RAB11FIP3: variants seen among roughly 807,000 people sequenced by gnomAD.
The protein encoded by RAB11FIP3 is rab11 family-interacting protein 3.
Under a neutral mutation model 77.8 loss-of-function variants are expected in RAB11FIP3, and 17 were observed. The ratio of observed to expected loss-of-function variants is 0.22; its 90% CI spans 0.15 to 0.33. The LOEUF is 0.33. Among genes scored for constraint, RAB11FIP3 ranks in the 10% least tolerant of loss-of-function variants. RAB11FIP3 has a pLI of 1.00. For synonymous variants in RAB11FIP3, 437 were observed against 448.2 expected, an observed-to-expected ratio of 0.98 and a Z score of 0.31; for missense variants, 1,005 against 1,011.2, an observed-to-expected ratio of 0.99 and a Z score of 0.08.
At chr16:438,930 C>T (rs975144787) in intron 1 of RAB11FIP3, among the ~76,000 whole-genome samples, 6 of 152,124 alleles carry the variant, frequency 3.9e-5, no homozygotes, top group East Asian at 1.9e-4. Flanking sequence ...CCTTGTGATC[C>T]GCCCGCCTTG....
intron 1 of RAB11FIP3, among the ~76,000 whole-genome samples, chr16:449,556 G>A (rs1004466408): frequency 2.6e-5 from 4 of 151,816 alleles, no homozygotes; most frequent in Non-Finnish European, 5.9e-5. Context: ...TGAGGTGGGA[G>A]GATCGCTTGA....
At chr16:451,143 T>A (rs1476199724) in intron 1 of RAB11FIP3, among the ~76,000 whole-genome samples, 1 of 152,180 alleles carries the variant, frequency 6.6e-6, no homozygotes, top group Admixed American at 6.6e-5. Context: ...CTGAATATAC[T>A]AAAACCATTG....
At chr16:443,530 A>G (rs1446895790) in intron 1 of RAB11FIP3, among the ~76,000 whole-genome samples, 1 of 152,142 alleles carries the variant, frequency 6.6e-6, no homozygotes, top group Non-Finnish European at 1.5e-5. Context: ...ACCTCTCGAT[A>G]TCAGTACATC....
intron 3 of RAB11FIP3, among the ~76,000 whole-genome samples, chr16:477,296 G>C (rs542876394): frequency 6.3e-4 from 96 of 152,232 alleles, no homozygotes; most frequent in African/African-American, 2.2e-3. Context: ...CTGAACCACT[G>C]AACCTGATGT....
intron 5 of RAB11FIP3, among the ~76,000 whole-genome samples, chr16:492,511 G>GA (rs1259291927): frequency 2.8e-4 from 31 of 109,412 alleles, no homozygotes; most frequent in Non-Finnish European, 3.8e-4. Context: ...AGGCCGCCCA[G>GA]GGCCCTCCCG....
chr16:471,513 C>G lies in RAB11FIP3; in HGVS notation c.903+124C>G, dbSNP rs1327605684. 7.3e-6 allele frequency: 6 copies of G among 824,542 alleles called. No individual in the cohort carries two copies. The highest frequency in any genetic ancestry group is 7.9e-6 in the Non-Finnish European group (4 of 504,676). The allele number at this position is 824,542 out of a possible 1,614,324, so 51.1% of individuals were successfully genotyped here. ...AGAAGCTGGCGTGAAGGAAGGGCCTCCCGCCCTGTGTGCACCGTGGGGCTC... is the reference window on the plus strand; with the variant it reads ...AGAAGCTGGCGTGAAGGAAGGGCCTGCCGCCCTGTGTGCACCGTGGGGCTC... On this transcript the variant is annotated intron_variant, in intron 3 of 13. Transcript: ENST00000262305. This position sits in a 1 kb window ranked among gnomAD's most constrained non-coding sequence, Gnocchi z 4.4.
chr16:473,402 G>A (rs531007826), intron 3 of RAB11FIP3, among the ~76,000 whole-genome samples: 96 of 152,336 alleles, frequency 6.3e-4, no homozygotes, highest in African/African-American at 2.2e-3. Context: ...GGAACATAGT[G>A]TAGAGCATTC....
In RAB11FIP3 at chr16:425,977, GC is replaced by G. The variant is rs2054931902; in HGVS notation, c.-27del. ...CTGAGCGCCTTTGTCTGCCGCCCGC[GC>G]CCTTCCGCACCACTAGCCTCTCGGG... is the stretch of plus-strand genomic sequence containing the variant. On this transcript the variant is annotated 5_prime_UTR_variant, in exon 1 of 14. It introduces an in-frame stop codon into an upstream open reading frame of the 5' UTR. Transcript: ENST00000262305. 1.4e-5 allele frequency: 11 copies of G among 770,410 alleles called. No individual in the cohort carries two copies. The highest frequency in any genetic ancestry group is 1.6e-5 in the Non-Finnish European group (11 of 701,980). The allele number at this position is 770,410 out of a possible 1,614,324, so 47.7% of individuals were successfully genotyped here. A position where few individuals can be genotyped will look rare whatever the true frequency, so the allele number is the denominator to read the frequency against.
chr16:471,485 C>T lies in RAB11FIP3; in HGVS notation c.903+96C>T, dbSNP rs762763051. The T allele has an allele frequency of 3.1e-5, 34 of 1,107,716 alleles. No individual in the cohort carries two copies. Among genetic ancestry groups the T allele is most frequent in the South Asian group, 5.4e-5 (4 of 74,246 alleles). The allele number at this position is 1,107,716 out of a possible 1,614,324, so 68.6% of individuals were successfully genotyped here. On this transcript the variant is annotated intron_variant, in intron 3 of 13. Transcript: ENST00000262305. This position sits in a 1 kb window ranked among gnomAD's most constrained non-coding sequence, Gnocchi z 4.4. Reference sequence around the variant, plus strand: ...TGCCTCCTGCCTCCGGGCTGTCTTCCGTAGAAGCTGGCGTGAAGGAAGGGC... The same window carrying T: ...TGCCTCCTGCCTCCGGGCTGTCTTCTGTAGAAGCTGGCGTGAAGGAAGGGC...
At position 474,619 on chromosome 16, in the gene RAB11FIP3, G is replaced by T. The variant is rs943180547; in HGVS notation, c.903+3230G>T. Among the ~76,000 whole-genome samples, 59 of 152,120 alleles carry T rather than the reference G, an allele frequency of 3.9e-4. 1 individual carries two copies. Among genetic ancestry groups the T allele is most frequent in the Non-Finnish European group, 8.8e-5 (6 of 68,028 alleles). ...GCATCTCACAGAATCGTCGGGCCGC[G>T]CTCTCTCCCGTCCTCCCTCCTTCTC... On this transcript the variant is annotated intron_variant, in intron 3 of 13. Transcript: ENST00000262305.
At chr16:492,636 G>A (rs531595134) in intron 5 of RAB11FIP3, among the ~76,000 whole-genome samples, 78 of 151,970 alleles carry the variant, frequency 5.1e-4, no homozygotes, top group African/African-American at 1.3e-3. Flanking sequence ...GCCCGGCGAC[G>A]ATGGCTCAGC....
chr16:459,463 T>G (rs7199213), intron 1 of RAB11FIP3, among the ~76,000 whole-genome samples: 18,020 of 144,590 alleles, frequency 0.12, 1,534 homozygotes, highest in African/African-American at 0.23. Context: ...AGCAGACAAA[T>G]TCTCATTTTG....
At chr16:465,248 C>A (rs2055682045) in intron 2 of RAB11FIP3, among the ~76,000 whole-genome samples, 1 of 151,970 alleles carries the variant, frequency 6.6e-6, no homozygotes, top group African/African-American at 2.4e-5. Context: ...GCCCGGGGAC[C>A]CCCAGAACTG....
Position 482,639 on chromosome 16 carries a change from G to C in RAB11FIP3, c.1018G>C (p.Gly340Arg). ...GGTGCACCCTGAGCTGCAACCTGAA[G>C]GGGACGCAGACAGTGCCGGCGGCTC... The part of the protein sequence containing the change: ...TLVHPELQPE[G>R]DADSAGGSAV... Residue 340 changes from glycine (G) to arginine (R), a missense_variant, in exon 4 of 14, where the codon GGG becomes CGG. By Grantham distance (125) the Gly-to-Arg change is moderately radical (BLOSUM62 -2). Transcript: ENST00000262305. 6.2e-7 allele frequency: 1 copy of C among 1,613,448 alleles called. No individual in the cohort carries two copies. Among genetic ancestry groups the C allele is most frequent in the Non-Finnish European group, 8.5e-7 (1 of 1,180,042 alleles).
intron 1 of RAB11FIP3, among the ~76,000 whole-genome samples, chr16:459,901 A>G (rs1034319821): frequency 2.1e-5 from 3 of 141,558 alleles, no homozygotes; most frequent in African/African-American, 7.9e-5. Flanking sequence ...TTTTTGAGAC[A>G]GAGTCTCATT....
rs150552187 is a variant in RAB11FIP3 at position 460,679 on chromosome 16, G to A, written c.715-725G>A. The stretch of plus-strand genomic sequence containing the variant: ...GCCAGGAAGGCATTTCTGAATGGGC[G>A]GTGTGTGCTTATCTATGTTATCTAT... On this transcript the variant is annotated intron_variant, in intron 1 of 13. Coordinates refer to ENST00000262305, the MANE Select transcript of RAB11FIP3 (RefSeq NM_014700.4). 4.9e-3 allele frequency among the ~76,000 whole-genome samples: 741 copies of A among 152,228 alleles called. 2 individuals are homozygous for A. The highest frequency in any genetic ancestry group is 7.2e-3 in the Non-Finnish European group (493 of 68,026).
At chr16:519,937 C>T (rs1372800213) in intron 11 of RAB11FIP3, 46 bp downstream of exon 11, 2 of 1,536,304 alleles carry the variant, frequency 1.3e-6, no homozygotes, top group Non-Finnish European at 1.8e-6. Context: ...CCCAGCCTGC[C>T]CCACGGGGAG....
At chr16:496,707 C>T (rs1184619342) in intron 5 of RAB11FIP3, 117 bp from the exon 6 acceptor site, 9 of 1,003,942 alleles carry the variant, frequency 9.0e-6, no homozygotes, top group Non-Finnish European at 1.2e-5. Flanking sequence ...CCCTGCATGC[C>T]GGGAGCATTG....
At chr16:441,713 GTTCCCACACCAGGCACCC>G (rs1210627640) in intron 1 of RAB11FIP3, among the ~76,000 whole-genome samples, 1 of 152,188 alleles carries the variant, frequency 6.6e-6, no homozygotes, top group Non-Finnish European at 1.5e-5. Context: ...ACACATTTGT[GTTCCCACACCAGGCACCC>G]TTCCTTCTGT....
Sources: allele counts gnomAD v4.1 joint callset (sites outside exome capture counted in the v4.1 genomes callset), GRCh38; gene constraint gnomAD v4.1.1; non-coding constraint Gnocchi (gnomAD v3.1); transcripts MANE v1.5; gene names NCBI Gene and HGNC (gene_info 2026-07-23, HGNC 2026-07-21).